Variants in SEPTIN11 observed in about 807,000 individuals in gnomAD.
The protein encoded by SEPTIN11 is septin 11.
A neutral mutation model predicts 51.4 loss-of-function variants in SEPTIN11; 25 were observed. The ratio of observed to expected loss-of-function variants is 0.49; its 90% CI spans 0.35 to 0.68. SEPTIN11 has a LOEUF of 0.68. Ranked by LOEUF, SEPTIN11 falls within the 30% of genes least tolerant of loss-of-function variation. The pLI is 0.00. For missense variants in SEPTIN11, 381 were observed against 520.8 expected (o/e 0.73, Z 2.61); for synonymous variants, 174 against 184.1 (o/e 0.95, Z 0.44).
intron 1 of SEPTIN11, among the ~76,000 whole-genome samples, chr4:76,953,956 A>G (rs1485213248): frequency 6.6e-6 from 1 of 152,184 alleles, no homozygotes; most frequent in Non-Finnish European, 1.5e-5. Flanking sequence ...GACATAACCC[A>G]TCTTGTATAA....
Position 76,949,875 on chromosome 4 carries a change from G to A in SEPTIN11, c.-29G>A, listed in dbSNP as rs766877922. On this transcript the variant is annotated 5_prime_UTR_variant, in exon 1 of 10. Coordinates refer to ENST00000264893, the MANE Select transcript of SEPTIN11 (RefSeq NM_018243.4). The stretch of plus-strand genomic sequence containing the variant: ...GCCGGAGTCGGCGTAAAGCACCCGG[G>A]CGCAGCCGGAGCCGGTGCCGCAGCT... 6.6e-7 allele frequency: 1 copy of A among 1,516,146 alleles called. No homozygotes were observed. Among genetic ancestry groups the A allele is most frequent in the Non-Finnish European group, 8.8e-7 (1 of 1,137,316 alleles). The allele number at this position is 1,516,146 out of a possible 1,614,324, so 93.9% of individuals were successfully genotyped here.
Position 77,005,960 on chromosome 4 carries a change from A to C in SEPTIN11, c.338+164A>C, listed in dbSNP as rs528839284. 2.0e-3 allele frequency among the ~76,000 whole-genome samples: 299 copies of C among 152,014 alleles called. 1 individual carries two copies. Among genetic ancestry groups the C allele is most frequent in the Non-Finnish European group, 2.6e-3 (180 of 68,002 alleles). ...CTTGTCCTCTGAGAATTTTTCTGAG[A>C]ATATTCTTCCTTGAGGTCAGAATCA... On this transcript the variant is annotated intron_variant, in intron 3 of 9. Transcript: ENST00000264893.
rs1426204174 is a variant in SEPTIN11, at chr4:77,024,173, G to A, written c.953+3503G>A. Among the ~76,000 whole-genome samples the A allele has an allele frequency of 1.3e-5, 2 of 152,172 alleles. No individual in the cohort carries two copies. The highest frequency in any genetic ancestry group is 4.1e-4 in the South Asian group (2 of 4,826). ...GGAGTAGCGCGCGCACAGAAACGCC[G>A]TATTCAAGCCTTGGCAGCACACCAC... On this transcript the variant is annotated intron_variant, in intron 7 of 9. Transcript: ENST00000264893. The surrounding 1 kb of genome is among the most constrained non-coding windows in gnomAD (Gnocchi z 4.2).
intron 3 of SEPTIN11, among the ~76,000 whole-genome samples, chr4:77,006,123 C>A (rs1294138198): frequency 6.6e-6 from 1 of 152,056 alleles, no homozygotes; most frequent in Non-Finnish European, 1.5e-5. Flanking sequence ...TCTAGAGAAA[C>A]ACCCAGCCAC....
chr4:77,034,822 A>C lies in SEPTIN11; in HGVS notation c.*310A>C, dbSNP rs968553039. On this transcript the variant is annotated 3_prime_UTR_variant, in exon 10 of 10. Transcript: ENST00000264893. Reference sequence around the variant, plus strand: ...ACTTGTATGTCGCTTTGGACAGAGGAAAGTGGGGTAAAATGCTACCTGTAC... The same window carrying C: ...ACTTGTATGTCGCTTTGGACAGAGGCAAGTGGGGTAAAATGCTACCTGTAC... 6.6e-6 allele frequency: 7 copies of C among 1,066,756 alleles called. No homozygotes were observed. Among genetic ancestry groups the C allele is most frequent in the Non-Finnish European group, 7.9e-6 (7 of 883,080 alleles). 66.1% of individuals were successfully genotyped at this position (1,066,756 alleles called of 1,614,324 possible).
intron 2 of SEPTIN11, among the ~76,000 whole-genome samples, chr4:77,000,670 T>C (rs796671646): frequency 2.5e-4 from 38 of 152,324 alleles, no homozygotes; most frequent in African/African-American, 8.9e-4. Context: ...GAAACACAGC[T>C]TTACCTGGAA....
At chr4:77,039,509 G>A, downstream of SEPTIN11, 4 of 985,278 alleles carry the variant, frequency 4.1e-6, no homozygotes, top group Non-Finnish European at 4.8e-6. Context: ...TTGATCTCAT[G>A]GTAACTCCTG....
intron 1 of SEPTIN11, among the ~76,000 whole-genome samples, chr4:76,967,941 C>T (rs765740535): frequency 2.2e-4 from 33 of 152,142 alleles, no homozygotes; most frequent in South Asian, 1.2e-3. Context: ...AATACAGGCC[C>T]GGCCATAAGA....
At position 76,949,782 on chromosome 4, in the gene SEPTIN11, C is replaced by G; in HGVS notation, c.-122C>G. ...GATGCCGCTGGCTGCCAGCGGGACG[C>G]CGGCGAGCAGAGCGCAGCCGCGAGG... On this transcript the variant is annotated 5_prime_UTR_variant, in exon 1 of 10. Coordinates refer to ENST00000264893, the MANE Select transcript of SEPTIN11 (RefSeq NM_018243.4). The G allele has an allele frequency of 1.8e-6, 2 of 1,100,494 alleles. No homozygotes were observed. Among genetic ancestry groups the G allele is most frequent in the Non-Finnish European group, 1.3e-6 (1 of 791,132 alleles). 68.2% of individuals were successfully genotyped at this position (1,100,494 alleles called of 1,614,324 possible). A position where few individuals can be genotyped will look rare whatever the true frequency, so the allele number is the denominator to read the frequency against.
rs986649011 is a variant in SEPTIN11 at position 77,035,284 on chromosome 4, A to G, written c.*772A>G. The G allele has an allele frequency of 6.8e-5, 67 of 985,262 alleles. No individual in the cohort carries two copies. The highest frequency in any genetic ancestry group is 7.7e-5 in the Non-Finnish European group (64 of 829,918). The allele number at this position is 985,262 out of a possible 1,614,324, so 61.0% of individuals were successfully genotyped here. On this transcript the variant is annotated 3_prime_UTR_variant, in exon 10 of 10. Coordinates refer to ENST00000264893, the MANE Select transcript of SEPTIN11 (RefSeq NM_018243.4). ...TGGATCATGTAACATTGCTTAGTAG[A>G]AGAATCTTCTTCTAAGGATGATGGG...
chr4:77,032,193 C>CT, intron 9 of SEPTIN11: 1 of 152,232 alleles, frequency 6.6e-6, no homozygotes, highest in Admixed American at 6.5e-5. Flanking sequence ...GCTTTACAAA[C>CT]TGACATTCTG....
At chr4:76,966,523 C>T (rs2645675) in intron 1 of SEPTIN11, among the ~76,000 whole-genome samples, 97,823 of 151,396 alleles carry the variant, frequency 0.65, 31,739 homozygotes, top group African/African-American at 0.69. Flanking sequence ...TTCTAATAGA[C>T]CAAATTTAAA....
In SEPTIN11 at chr4:77,000,391, G is replaced by C. The variant is rs564664372; in HGVS notation, c.142+3852G>C. ...TGGCTTATAGGGTAAAACGAATGAA[G>C]ATAAAATTAACCCCAGAAAATAAAG... On this transcript the variant is annotated intron_variant, in intron 2 of 9. Transcript: ENST00000264893. 5.1e-4 allele frequency among the ~76,000 whole-genome samples: 78 copies of C among 152,258 alleles called. 1 individual carries two copies. The highest frequency in any genetic ancestry group is 1.9e-3 in the African/African-American group (77 of 41,562).
intron 1 of SEPTIN11, among the ~76,000 whole-genome samples, chr4:76,966,708 C>T (rs534712140): frequency 6.6e-6 from 1 of 151,074 alleles, no homozygotes; most frequent in South Asian, 2.1e-4. Context: ...AGAAAAAATA[C>T]AAGAATTAGC....
intron 2 of SEPTIN11, among the ~76,000 whole-genome samples, chr4:77,002,112 T>C (rs1008854232): frequency 3.3e-5 from 5 of 152,204 alleles, no homozygotes; most frequent in Non-Finnish European, 2.9e-5. Flanking sequence ...ATTACAGCTC[T>C]TAAAAGCACA....
At chr4:76,976,497 T>C (rs1466564014) in intron 1 of SEPTIN11, among the ~76,000 whole-genome samples, 3 of 152,222 alleles carry the variant, frequency 2.0e-5, no homozygotes, top group Non-Finnish European at 4.4e-5. Flanking sequence ...CTATGTCACA[T>C]TGATCCTGGC....
chr4:77,001,493 G>A (rs1368995305), intron 2 of SEPTIN11, among the ~76,000 whole-genome samples: 1 of 152,008 alleles, frequency 6.6e-6, no homozygotes, highest in Non-Finnish European at 1.5e-5. Context: ...GGGATTACAG[G>A]TGCCCACCAC....
intron 1 of SEPTIN11, among the ~76,000 whole-genome samples, chr4:76,991,728 T>C (rs1285908412): frequency 6.6e-6 from 1 of 152,238 alleles, no homozygotes; most frequent in Non-Finnish European, 1.5e-5. Flanking sequence ...CGCCATGGTA[T>C]TGATGACTTT....
chr4:77,002,198 G>A (rs1351302517), intron 2 of SEPTIN11, among the ~76,000 whole-genome samples: 2 of 152,268 alleles, frequency 1.3e-5, no homozygotes, highest in East Asian at 3.9e-4. Context: ...GATTAACCCT[G>A]TGCTGTAAGT....
Sources: gnomAD v4.1 joint callset for allele counts (sites outside exome capture counted in the v4.1 genomes callset) on GRCh38, gnomAD v4.1.1 for gene constraint, Gnocchi (gnomAD v3.1) non-coding constraint, MANE v1.5 for transcripts, NCBI Gene and HGNC (gene_info 2026-07-23, HGNC 2026-07-21) for gene names.